The following IPO9 variants were observed in gnomAD, a reference collection of about 807,000 sequenced individuals.
The protein encoded by IPO9 is importin 9, also known as importin-9.
In IPO9, 28 loss-of-function variants were observed where a neutral mutation model predicts 128.6. That is an observed-to-expected ratio of 0.22 (90% CI 0.16 to 0.30). IPO9 has a LOEUF of 0.30. Ranked by LOEUF, IPO9 falls within the 10% of genes least tolerant of loss-of-function variation. The pLI is 1.00. For synonymous variants in IPO9, 455 were observed against 475.8 expected, an observed-to-expected ratio of 0.96 and a Z score of 0.57; for missense variants, 935 against 1,293.9, an observed-to-expected ratio of 0.72 and a Z score of 4.26.
chr1:201,879,716 G>C lies in IPO9; in HGVS notation c.*3662G>C, dbSNP rs1680849130. The C allele has an allele frequency of 6.6e-6, 1 of 152,164 alleles. No individual in the cohort carries two copies. The highest frequency in any genetic ancestry group is 6.5e-5 in the Admixed American group (1 of 15,270). The allele number at this position is 152,164 out of a possible 1,614,324, so 9.4% of individuals were successfully genotyped here. ...GCAGAGTTGAGGACTATAGAGTACT[G>C]TGCTGTCACTAACAGTATTGTGTGC... On this transcript the variant is annotated 3_prime_UTR_variant, in exon 24 of 24. Coordinates refer to ENST00000361565, the MANE Select transcript of IPO9 (RefSeq NM_018085.5).
intron 13 of IPO9, among the ~76,000 whole-genome samples, chr1:201,861,414 T>C (rs1475580849): frequency 1.3e-5 from 2 of 152,210 alleles, no homozygotes; most frequent in Non-Finnish European, 2.9e-5. Flanking sequence ...TAGTATTCAA[T>C]AAATTATATG....
Position 201,857,200 on chromosome 1 carries a change from T to C in IPO9, c.1221+6T>C. 2 of 1,542,520 alleles carry C rather than the reference T, an allele frequency of 1.3e-6. No individual in the cohort carries two copies. Among genetic ancestry groups the C allele is most frequent in the Non-Finnish European group, 1.8e-6 (2 of 1,115,176 alleles). On this transcript the variant is annotated splice_donor_region_variant and intron_variant, in intron 11 of 23. Coordinates refer to ENST00000361565, the MANE Select transcript of IPO9 (RefSeq NM_018085.5). ...CAGCTCAAGACTTGTTGCTGGTAAG[T>C]TTACCTTGATACTTCAGCCACATAA... is the stretch of plus-strand genomic sequence containing the variant.
chr1:201,850,831 C>A (rs1295730960), intron 4 of IPO9: 1 of 152,016 alleles, frequency 6.6e-6, no homozygotes, highest in Non-Finnish European at 1.5e-5. Context: ...AGACTTTATC[C>A]TTGAGGAGGA....
intron 1 of IPO9, among the ~76,000 whole-genome samples, chr1:201,829,928 A>T (rs1395297212): frequency 6.6e-6 from 1 of 152,212 alleles, no homozygotes; most frequent in African/African-American, 2.4e-5. Flanking sequence ...TGCATATGCG[A>T]TTGCTTCACT....
At chr1:201,832,836 T>C (rs879882529) in intron 1 of IPO9, among the ~76,000 whole-genome samples, 2 of 152,202 alleles carry the variant, frequency 1.3e-5, no homozygotes, top group Admixed American at 1.3e-4. Flanking sequence ...GGCTACCAGG[T>C]GATGATCCCT....
intron 23 of IPO9, among the ~76,000 whole-genome samples, 183 bp from the exon 24 acceptor site, chr1:201,875,761 G>A (rs1029168511): frequency 5.9e-5 from 9 of 152,092 alleles, no homozygotes. Flanking sequence ...TACAGCCTTG[G>A]AAAAATGTTG....
At chr1:201,869,748 A>G (rs1266855282) in intron 17 of IPO9, 30 bp downstream of exon 17, 21 of 1,611,900 alleles carry the variant, frequency 1.3e-5, no homozygotes, top group Non-Finnish European at 1.7e-5. Context: ...TAGAAGAGGG[A>G]AGATAGCTCC....
At chr1:201,843,767 G>T (rs1013424561) in intron 1 of IPO9, among the ~76,000 whole-genome samples, 2 of 150,872 alleles carry the variant, frequency 1.3e-5, no homozygotes, top group Admixed American at 6.6e-5. Flanking sequence ...GACAGAGGTT[G>T]CAGTGAACTG....
chr1:201,871,616 C>G (rs1478304133), intron 19 of IPO9, among the ~76,000 whole-genome samples: 1 of 152,028 alleles, frequency 6.6e-6, no homozygotes, highest in Non-Finnish European at 1.5e-5. Context: ...TGGTCTTGAA[C>G]TCCTGACCTC....
At position 201,870,951 on chromosome 1, in the gene IPO9, T is replaced by C; in HGVS notation, c.2409+93T>C. The C allele has an allele frequency of 7.0e-7, 1 of 1,425,988 alleles. No individual in the cohort carries two copies. Among genetic ancestry groups the C allele is most frequent in the Non-Finnish European group, 9.4e-7 (1 of 1,060,538 alleles). 88.3% of individuals were successfully genotyped at this position (1,425,988 alleles called of 1,614,324 possible). On this transcript the variant is annotated intron_variant, in intron 18 of 23. Transcript: ENST00000361565. The surrounding 1 kb of genome is among the most constrained non-coding windows in gnomAD (Gnocchi z 4.9). The stretch of plus-strand genomic sequence containing the variant: ...CCTGAGTTATTTTATTTTACCCTCT[T>C]ACTAGCCTTGTAGGACAGTTAAGTA...
At position 201,874,947 on chromosome 1, in the gene IPO9, T is replaced by C. The variant is rs1038809153; in HGVS notation, c.2938+11T>C. On this transcript the variant is annotated intron_variant, in intron 22 of 23. Transcript: ENST00000361565. ...CTACAAGTAAATATGGTAAGCTGTT[T>C]GATAAGAGGACAGCCATGGTAAATA... 1 of 1,574,136 alleles carries C rather than the reference T, an allele frequency of 6.4e-7. No homozygotes were observed. The highest frequency in any genetic ancestry group is 8.7e-7 in the Non-Finnish European group (1 of 1,143,482).
At chr1:201,831,081 C>G (rs996066394) in intron 1 of IPO9, among the ~76,000 whole-genome samples, 1 of 152,132 alleles carries the variant, frequency 6.6e-6, no homozygotes, top group Non-Finnish European at 1.5e-5. Flanking sequence ...TGGCTCACTG[C>G]AGCCTCAAAC....
chr1:201,851,462 G>GT (rs757044452), intron 4 of IPO9, among the ~76,000 whole-genome samples: 2,556 of 141,506 alleles, frequency 0.018, 17 homozygotes, highest in Middle Eastern at 0.029. Flanking sequence ...GGTGTATTTG[G>GT]TTTTTTTTTT....
chr1:201,867,170 T>C (rs965597763), intron 15 of IPO9, among the ~76,000 whole-genome samples: 1 of 152,176 alleles, frequency 6.6e-6, no homozygotes, highest in Non-Finnish European at 1.5e-5. Flanking sequence ...TCTGTAACAC[T>C]TACTCTCTAG....
chr1:201,830,005 T>G lies in IPO9; in HGVS notation c.163+633T>G, dbSNP rs548319699. ...CTTATTAAATACCTTTGTGCATTTC[T>G]GTTTGGAGGAACTGATCATCCTTTG... On this transcript the variant is annotated intron_variant, in intron 1 of 23. Coordinates refer to ENST00000361565, the MANE Select transcript of IPO9 (RefSeq NM_018085.5). Among the ~76,000 whole-genome samples, 66 of 152,370 alleles carry G rather than the reference T, an allele frequency of 4.3e-4. 1 individual carries two copies. The South Asian group carries it at 0.012, about 27-fold the overall frequency.
chr1:201,867,337 A>G (rs1030225882), intron 15 of IPO9, among the ~76,000 whole-genome samples: 1 of 152,182 alleles, frequency 6.6e-6, no homozygotes, highest in Non-Finnish European at 1.5e-5. Flanking sequence ...AAAGAAAGAT[A>G]TATGGAAAAG....
intron 3 of IPO9, among the ~76,000 whole-genome samples, chr1:201,848,102 C>T (rs761079632): frequency 1.3e-5 from 2 of 152,178 alleles, no homozygotes; most frequent in Non-Finnish European, 1.5e-5. Context: ...CTACTAGCTG[C>T]ATATGGCTGT....
intron 1 of IPO9, among the ~76,000 whole-genome samples, chr1:201,840,661 G>A (rs1345276879): frequency 3.9e-5 from 6 of 152,048 alleles, no homozygotes; most frequent in East Asian, 1.9e-4. Flanking sequence ...GAGAGCACAC[G>A]AATAACATAT....
At position 201,870,452 on chromosome 1, in the gene IPO9, C is replaced by T; in HGVS notation, c.2134-131C>T. 1.0e-6 allele frequency: 1 copy of T among 961,422 alleles called. No individual in the cohort carries two copies. Among genetic ancestry groups the T allele is most frequent in the Non-Finnish European group, 1.5e-6 (1 of 663,352 alleles). The allele number at this position is 961,422 out of a possible 1,614,324, so 59.6% of individuals were successfully genotyped here. A position where few individuals can be genotyped will look rare whatever the true frequency, so the allele number is the denominator to read the frequency against. On this transcript the variant is annotated intron_variant, in intron 17 of 23. Coordinates refer to ENST00000361565, the MANE Select transcript of IPO9 (RefSeq NM_018085.5). This position sits in a 1 kb window ranked among gnomAD's most constrained non-coding sequence, Gnocchi z 4.9. ...TGTCTTAACTCCAGTGGTATGAGCCCACCACAAACATTATAGACTCACCGC... is the reference window on the plus strand; with the variant it reads ...TGTCTTAACTCCAGTGGTATGAGCCTACCACAAACATTATAGACTCACCGC...
Sources: gnomAD v4.1 joint callset for allele counts (sites outside exome capture counted in the v4.1 genomes callset) on GRCh38, gnomAD v4.1.1 for gene constraint, Gnocchi (gnomAD v3.1) non-coding constraint, MANE v1.5 for transcripts, NCBI Gene and HGNC (gene_info 2026-07-23, HGNC 2026-07-21) for gene names.